The following ROBO2 variants were observed in gnomAD, a reference collection of about 807,000 sequenced individuals.
The protein encoded by ROBO2 is roundabout guidance receptor 2.
A neutral mutation model predicts 160.8 loss-of-function variants in ROBO2; 53 were observed. The observed-to-expected ratio is 0.33, with a 90% CI of 0.26 to 0.41. The LOEUF is 0.41. Ranked by LOEUF, ROBO2 falls within the 10% of genes least tolerant of loss-of-function variation. The pLI is 1.00. For missense variants in ROBO2, 1,577 were observed against 1,722.4 expected (o/e 0.92, Z 1.49); for synonymous variants, 664 against 611.7 (o/e 1.09, Z -1.26).
intron 2 of ROBO2, among the ~76,000 whole-genome samples, chr3:77,359,593 A>G (rs2153465323): frequency 6.6e-6 from 1 of 152,268 alleles, no homozygotes; most frequent in South Asian, 2.1e-4. Context: ...GGGTTGGGTC[A>G]TCCACCAGAG....
chr3:76,712,086 G>T (rs1382847703), intron 2 of ROBO2, among the ~76,000 whole-genome samples: 1 of 152,136 alleles, frequency 6.6e-6, no homozygotes, highest in Non-Finnish European at 1.5e-5. Flanking sequence ...AATACTTACT[G>T]ATTGGCTATA....
chr3:77,359,833 C>T (rs889311115), intron 2 of ROBO2, among the ~76,000 whole-genome samples: 2 of 151,934 alleles, frequency 1.3e-5, no homozygotes, highest in African/African-American at 4.8e-5. Flanking sequence ...CACATGCCAC[C>T]ACACTCACCA....
chr3:76,604,513 T>C (rs915865834), intron 2 of ROBO2, among the ~76,000 whole-genome samples: 2 of 152,150 alleles, frequency 1.3e-5, no homozygotes, highest in Admixed American at 1.3e-4. Context: ...AAAAAAGCAA[T>C]ACTCAATGAA....
chr3:75,907,299 C>T (rs1946389503), intron 1 of ROBO2, among the ~76,000 whole-genome samples: 1 of 152,132 alleles, frequency 6.6e-6, no homozygotes, highest in African/African-American at 2.4e-5. Flanking sequence ...CTTTTGCTTG[C>T]CTCATGCCCA....
At chr3:76,029,510 C>T (rs2066850584) in intron 2 of ROBO2, among the ~76,000 whole-genome samples, 1 of 151,998 alleles carries the variant, frequency 6.6e-6, no homozygotes, top group Non-Finnish European at 1.5e-5. Context: ...AGCTATCCCT[C>T]CCCCCATTCC....
At chr3:76,869,679 C>T (rs2071818402) in intron 2 of ROBO2, among the ~76,000 whole-genome samples, 1 of 152,010 alleles carries the variant, frequency 6.6e-6, no homozygotes, top group Non-Finnish European at 1.5e-5. Context: ...AATTTCTTAC[C>T]ATTGAAATTG....
chr3:76,163,975 G>A (rs904247382), intron 2 of ROBO2, among the ~76,000 whole-genome samples: 4 of 152,092 alleles, frequency 2.6e-5, no homozygotes, highest in African/African-American at 9.7e-5. Flanking sequence ...CTCATGCAAT[G>A]CTGTTTGACA....
At chr3:76,065,242 G>T (rs2107917269) in intron 2 of ROBO2, among the ~76,000 whole-genome samples, 1 of 152,202 alleles carries the variant, frequency 6.6e-6, no homozygotes, top group Non-Finnish European at 1.5e-5. Flanking sequence ...CATTGTGGTT[G>T]CTTGTCCTAC....
intron 2 of ROBO2, among the ~76,000 whole-genome samples, chr3:76,541,307 C>T (rs1379591111): frequency 6.6e-6 from 1 of 152,102 alleles, no homozygotes; most frequent in Non-Finnish European, 1.5e-5. Flanking sequence ...TCTTTGGTAT[C>T]TTTGTCAAAC....
chr3:77,447,444 CTG>C (rs2080655508), intron 2 of ROBO2, among the ~76,000 whole-genome samples: 1 of 152,072 alleles, frequency 6.6e-6, no homozygotes, highest in Non-Finnish European at 1.5e-5. Flanking sequence ...TTAAAATAGA[CTG>C]TTAAAAATTT....
At chr3:76,667,162 G>A (rs562726077) in intron 2 of ROBO2, among the ~76,000 whole-genome samples, 130 of 152,148 alleles carry the variant, frequency 8.5e-4, no homozygotes, top group African/African-American at 2.9e-3. Context: ...TTACAGGTGA[G>A]GGCAGTTAGA....
intron 2 of ROBO2, among the ~76,000 whole-genome samples, chr3:76,747,566 A>G (rs1392813172): frequency 1.3e-5 from 2 of 152,040 alleles, no homozygotes; most frequent in Non-Finnish European, 2.9e-5. Context: ...ATGAAACTGC[A>G]TGTGAATGGC....
At chr3:76,831,705 G>T (rs1182507011) in intron 2 of ROBO2, among the ~76,000 whole-genome samples, 1 of 152,056 alleles carries the variant, frequency 6.6e-6, no homozygotes, top group Non-Finnish European at 1.5e-5. Flanking sequence ...GCAAAACTAA[G>T]ACAAACTATT....
intron 2 of ROBO2, among the ~76,000 whole-genome samples, chr3:75,948,766 TTAATA>T (rs1948425211): frequency 6.6e-6 from 1 of 152,180 alleles, no homozygotes; most frequent in South Asian, 2.1e-4. Flanking sequence ...TCTTCTATCT[TTAATA>T]TTTTATATCT....
intron 2 of ROBO2, among the ~76,000 whole-genome samples, chr3:76,060,513 G>T (rs1204735171): frequency 1.3e-5 from 2 of 152,146 alleles, no homozygotes; most frequent in African/African-American, 4.8e-5. Context: ...CAGATCTTTT[G>T]TCTTCCGGGA....
At chr3:76,514,706 A>G (rs2081264715) in intron 2 of ROBO2, among the ~76,000 whole-genome samples, 1 of 152,104 alleles carries the variant, frequency 6.6e-6, no homozygotes, top group Non-Finnish European at 1.5e-5. Flanking sequence ...TTTTCCCTGA[A>G]ATCCCACCTT....
intron 2 of ROBO2, among the ~76,000 whole-genome samples, chr3:76,934,821 T>C (rs1459595652): frequency 6.6e-6 from 1 of 152,136 alleles, no homozygotes; most frequent in Non-Finnish European, 1.5e-5. Flanking sequence ...AATTAGCTTT[T>C]CCAAAATACC....
chr3:76,418,823 G>GTTAA (rs1207906435), intron 2 of ROBO2, among the ~76,000 whole-genome samples: 1 of 151,694 alleles, frequency 6.6e-6, no homozygotes, highest in Non-Finnish European at 1.5e-5. Context: ...TCTGTCAATT[G>GTTAA]TTAACTGAGT....
chr3:77,287,243 T>C (rs1237846112), intron 2 of ROBO2, among the ~76,000 whole-genome samples: 1 of 152,230 alleles, frequency 6.6e-6, no homozygotes, highest in African/African-American at 2.4e-5. Context: ...CATTAGAGAC[T>C]TGTGCCCTTG....
Sources: gnomAD v4.1 joint callset for allele counts (sites outside exome capture counted in the v4.1 genomes callset) on GRCh38, gnomAD v4.1.1 for gene constraint, MANE v1.5 for transcripts, NCBI Gene and HGNC (gene_info 2026-07-23, HGNC 2026-07-21) for gene names.